Variants in PSD3 observed in about 807,000 individuals in gnomAD.
PSD3 encodes the protein pleckstrin and Sec7 domain containing 3.
Under a neutral mutation model 105.5 loss-of-function variants are expected in PSD3, and 49 were observed. The observed-to-expected ratio is 0.46, with a 90% CI of 0.37 to 0.59. The LOEUF (loss-of-function observed/expected upper bound fraction) is 0.59, where lower values mean the gene tolerates loss of function less well. Ranked by LOEUF, PSD3 falls within the 20% of genes least tolerant of loss-of-function variation. The pLI is 0.00. For missense variants in PSD3, 1,561 were observed against 1,263.8 expected, an observed-to-expected ratio of 1.24 and a Z score of -3.57; for synonymous variants, 557 against 457.8, an observed-to-expected ratio of 1.22 and a Z score of -2.77.
intron 15 of PSD3, among the ~76,000 whole-genome samples, chr8:18,543,643 A>G (rs1800277569): frequency 6.6e-6 from 1 of 151,942 alleles, no homozygotes; most frequent in African/African-American, 2.4e-5. Flanking sequence ...AACAACAACA[A>G]AAACAAAACT....
At chr8:18,625,476 C>T (rs771482314) in intron 11 of PSD3, among the ~76,000 whole-genome samples, 5 of 152,072 alleles carry the variant, frequency 3.3e-5, no homozygotes, top group African/African-American at 4.8e-5. Context: ...AAAATGCCTA[C>T]ATCCAGGCAA....
intron 1 of PSD3, among the ~76,000 whole-genome samples, chr8:19,005,405 T>C (rs755585696): frequency 2.7e-4 from 41 of 152,014 alleles, no homozygotes; most frequent in Non-Finnish European, 4.9e-4. Context: ...ACTCAGAAAA[T>C]AGATTAGTGG....
rs536247542 is a variant in PSD3, at chr8:18,677,972, T to G, written c.2173-22287A>C. ...TTGCAGTGAGCCGAGATCAGGCCAC[T>G]GCACTCCAGCCTGGGCAGCAGAGCG... On this transcript the variant is annotated intron_variant, in intron 9 of 15. Coordinates refer to ENST00000327040, the MANE Select transcript of PSD3 (RefSeq NM_015310.4). Among the ~76,000 whole-genome samples, 6 of 147,386 alleles carry G rather than the reference T, an allele frequency of 4.1e-5. No homozygotes were observed. In the East Asian group the frequency reaches 1.2e-3, roughly 30 times the overall value.
chr8:18,577,251 C>A (rs1259165052), intron 12 of PSD3, among the ~76,000 whole-genome samples: 1 of 151,866 alleles, frequency 6.6e-6, no homozygotes, highest in Non-Finnish European at 1.5e-5. Flanking sequence ...ATTTTATTGG[C>A]TTATGACCAG....
intron 9 of PSD3, among the ~76,000 whole-genome samples, chr8:18,760,860 C>A (rs759587651): frequency 6.6e-6 from 1 of 152,176 alleles, no homozygotes; most frequent in African/African-American, 2.4e-5. Flanking sequence ...ATTCCTGGAC[C>A]TGATCCTTCA....
chr8:18,861,696 T>A lies in PSD3; in HGVS notation c.1634+5978A>T, dbSNP rs186033952. Among the ~76,000 whole-genome samples, 777 of 152,310 alleles carry A rather than the reference T, an allele frequency of 5.1e-3. 25 individuals carry two copies. The highest frequency in any genetic ancestry group is 0.044 in the Admixed American group (672 of 15,288). The stretch of plus-strand genomic sequence containing the variant: ...CCTTGCATCTTTCTTTTTACCAGGC[T>A]ATTTCTTATCTATTTTCTTATTATT... On this transcript the variant is annotated intron_variant, in intron 4 of 15. Transcript: ENST00000327040.
At chr8:18,841,228 G>T (rs1484475628) in intron 4 of PSD3, among the ~76,000 whole-genome samples, 2 of 152,136 alleles carry the variant, frequency 1.3e-5, no homozygotes, top group African/African-American at 4.8e-5. Context: ...TGTTATGGCT[G>T]GCTAGTGTGT....
chr8:18,781,656 G>A (rs1808635567), intron 8 of PSD3, among the ~76,000 whole-genome samples: 1 of 152,120 alleles, frequency 6.6e-6, no homozygotes, highest in Non-Finnish European at 1.5e-5. Context: ...ACTTTTAACA[G>A]TTCGACTATG....
In PSD3 at chr8:18,901,328, T is replaced by C. The variant is rs138182047; in HGVS notation, c.131-28595A>G. 3.0e-3 allele frequency among the ~76,000 whole-genome samples: 463 copies of C among 152,304 alleles called. 2 individuals are homozygous for C. Among genetic ancestry groups the C allele is most frequent in the African/African-American group, 0.011 (449 of 41,570 alleles). On this transcript the variant is annotated intron_variant, in intron 2 of 15. Transcript: ENST00000327040. ...TGTTGTTAATAGTCAACAGGTAAAGTGAGTTTCTTGTAGGCAGCATAGAGC... is the reference window on the plus strand; with the variant it reads ...TGTTGTTAATAGTCAACAGGTAAAGCGAGTTTCTTGTAGGCAGCATAGAGC...
intron 15 of PSD3, among the ~76,000 whole-genome samples, chr8:18,553,587 G>C (rs756908056): frequency 6.6e-6 from 1 of 152,206 alleles, no homozygotes; most frequent in Non-Finnish European, 1.5e-5. Context: ...GAAGCGGCCT[G>C]CTCAGGGAAT....
intron 9 of PSD3, among the ~76,000 whole-genome samples, chr8:18,658,309 A>C (rs1809050014): frequency 1.3e-5 from 2 of 152,174 alleles, no homozygotes; most frequent in Non-Finnish European, 1.5e-5. Flanking sequence ...CAAAACTTAA[A>C]TACACTCTCA....
chr8:18,737,590 C>T (rs1018428138), intron 9 of PSD3, among the ~76,000 whole-genome samples: 7 of 152,162 alleles, frequency 4.6e-5, no homozygotes, highest in Non-Finnish European at 8.8e-5. Flanking sequence ...GTGTGAGTCA[C>T]TACGCTTGGC....
At chr8:18,685,017 A>G (rs140766868) in intron 9 of PSD3, among the ~76,000 whole-genome samples, 76 of 152,370 alleles carry the variant, frequency 5.0e-4, no homozygotes, top group African/African-American at 1.8e-3. Context: ...GCTCAGCCAC[A>G]TAAGCGTGTT....
At chr8:18,642,120 CTAAA>C (rs1202879328) in intron 10 of PSD3, among the ~76,000 whole-genome samples, 1 of 152,072 alleles carries the variant, frequency 6.6e-6, no homozygotes, top group Non-Finnish European at 1.5e-5. Context: ...ACTTGGCTTT[CTAAA>C]TAAAGGATCT....
chr8:18,764,603 T>G (rs1435132865), intron 9 of PSD3, among the ~76,000 whole-genome samples: 1 of 152,206 alleles, frequency 6.6e-6, no homozygotes, highest in Non-Finnish European at 1.5e-5. Flanking sequence ...AAAGGTTACA[T>G]AAAACACAAC....
At chr8:19,065,281 G>A (rs1040136215) in intron 1 of PSD3, among the ~76,000 whole-genome samples, 5 of 152,068 alleles carry the variant, frequency 3.3e-5, no homozygotes, top group South Asian at 2.1e-4. Flanking sequence ...GTGACCAAAC[G>A]TGTGTGTGGT....
chr8:18,678,587 G>A (rs761451964), intron 9 of PSD3, among the ~76,000 whole-genome samples: 12 of 152,320 alleles, frequency 7.9e-5, no homozygotes, highest in South Asian at 4.1e-4. Flanking sequence ...CTAAGTGGGC[G>A]GATCGCCTGA....
At chr8:18,813,274 T>A (rs1349983024) in intron 4 of PSD3, among the ~76,000 whole-genome samples, 1 of 152,086 alleles carries the variant, frequency 6.6e-6, no homozygotes, top group Admixed American at 6.5e-5. Context: ...GGTAACAGTG[T>A]GCACACATGG....
intron 11 of PSD3, among the ~76,000 whole-genome samples, chr8:18,602,371 C>T (rs185779320): frequency 1.6e-4 from 25 of 152,158 alleles, no homozygotes; most frequent in Admixed American, 1.3e-3. Flanking sequence ...GACTAATGCC[C>T]ACTAAGTCAG....
Sources: gnomAD v4.1 joint callset for allele counts (sites outside exome capture counted in the v4.1 genomes callset) on GRCh38, gnomAD v4.1.1 for gene constraint, MANE v1.5 for transcripts, NCBI Gene and HGNC (gene_info 2026-07-23, HGNC 2026-07-21) for gene names.